The following NREP variants were observed in gnomAD, a reference collection of about 807,000 sequenced individuals.
NREP encodes the protein neuronal regeneration-related protein.
NREP carries 5 observed loss-of-function variants against 8.6 expected under a neutral mutation model. The observed-to-expected ratio is 0.58, with a 90% confidence interval of 0.30 to 1.22. The LOEUF (loss-of-function observed/expected upper bound fraction) is 1.22, where lower values mean the gene tolerates loss of function less well. Among genes scored for constraint, NREP ranks in the 50% most tolerant of loss-of-function variants. The probability of loss-of-function intolerance (pLI) is 0.07; values close to 1 mark genes in which losing one functional copy is unlikely to be tolerated. For missense variants in NREP, 86 were observed against 82.5 expected, an observed-to-expected ratio of 1.04 and a Z score of -0.17; for synonymous variants, 27 against 28.0, an observed-to-expected ratio of 0.96 and a Z score of 0.11.
chr5:111,848,176 G>T (rs568431349), intron 2 of NREP, among the ~76,000 whole-genome samples: 1 of 152,248 alleles, frequency 6.6e-6, no homozygotes, highest in African/African-American at 2.4e-5. Flanking sequence ...GTGACAAGAA[G>T]AATATAATCA....
At chr5:111,879,510 T>A (rs950410248) in intron 2 of NREP, among the ~76,000 whole-genome samples, 2 of 152,216 alleles carry the variant, frequency 1.3e-5, no homozygotes, top group Non-Finnish European at 2.9e-5. Flanking sequence ...TTTTTCTGTA[T>A]ACTTACTGTC....
intron 2 of NREP, among the ~76,000 whole-genome samples, chr5:111,769,518 G>A (rs569072098): frequency 9.1e-4 from 138 of 152,334 alleles, no homozygotes; most frequent in South Asian, 4.1e-3. Flanking sequence ...TGAATAAGAA[G>A]CCAAGGTTGA....
At chr5:111,803,551 G>A (rs952776420) in intron 2 of NREP, among the ~76,000 whole-genome samples, 2 of 152,024 alleles carry the variant, frequency 1.3e-5, no homozygotes, top group African/African-American at 2.4e-5. Flanking sequence ...CCCTTTGTAG[G>A]AGAACAATAA....
intron 2 of NREP, among the ~76,000 whole-genome samples, chr5:111,884,091 A>T (rs543636278): frequency 1.9e-4 from 29 of 152,348 alleles, no homozygotes; most frequent in African/African-American, 6.7e-4. Flanking sequence ...ACCAATAAAG[A>T]AGAAAAGAGA....
intron 2 of NREP, among the ~76,000 whole-genome samples, chr5:111,745,206 C>A (rs1239995352): frequency 6.6e-6 from 1 of 152,134 alleles, no homozygotes; most frequent in African/African-American, 2.4e-5. Context: ...GTAAGCAGAT[C>A]TGTGTTAGCT....
At chr5:111,948,875 C>G (rs1419827841) in intron 2 of NREP, 1 of 151,940 alleles carries the variant, frequency 6.6e-6, no homozygotes, top group Non-Finnish European at 1.5e-5. Context: ...AAGAAAGTCA[C>G]CTAACTTGAA....
intron 3 of NREP, chr5:111,732,516 C>G (rs1748683828): frequency 6.6e-6 from 1 of 151,668 alleles, no homozygotes; most frequent in Non-Finnish European, 1.5e-5. Flanking sequence ...TGGGACCAAA[C>G]CAGAAAATTA....
intron 2 of NREP, among the ~76,000 whole-genome samples, chr5:111,878,528 G>T (rs1287111939): frequency 3.3e-5 from 5 of 152,036 alleles, no homozygotes; most frequent in African/African-American, 1.2e-4. Context: ...TGACACGTGG[G>T]GATTATGGGG....
At chr5:111,756,026 T>C in intron 1 of NREP, 196 bp from the exon 2 acceptor site, 4 of 1,354,596 alleles carry the variant, frequency 3.0e-6, no homozygotes, top group Non-Finnish European at 2.9e-6. Flanking sequence ...GACAAAGGAA[T>C]CCCTGGTACT....
At chr5:111,867,258 T>C (rs560185217) in intron 2 of NREP, among the ~76,000 whole-genome samples, 1 of 152,154 alleles carries the variant, frequency 6.6e-6, no homozygotes, top group Non-Finnish European at 1.5e-5. Flanking sequence ...GATTTTCTCA[T>C]GGATCTAAAG....
intron 2 of NREP, among the ~76,000 whole-genome samples, chr5:111,819,506 G>C (rs1168103575): frequency 6.6e-6 from 1 of 152,146 alleles, no homozygotes; most frequent in Non-Finnish European, 1.5e-5. Flanking sequence ...TAATGTTCGA[G>C]CACTATTTCT....
chr5:111,887,413 T>G (rs1221779175), intron 2 of NREP, among the ~76,000 whole-genome samples: 1 of 152,210 alleles, frequency 6.6e-6, no homozygotes, highest in Admixed American at 6.5e-5. Flanking sequence ...GAATTGTTAC[T>G]TCAAATAAAG....
At chr5:111,970,825 C>CAAAAAAAAAAAAAAAAAAAA (rs33962098) in intron 2 of NREP, among the ~76,000 whole-genome samples, 11 of 53,630 alleles carry the variant, frequency 2.1e-4, no homozygotes, top group Non-Finnish European at 3.0e-4. Flanking sequence ...GACTCCATCT[C>CAAAAAAAAAAAAAAAAAAAA]AAAAAAAAAA....
chr5:111,790,148 C>A (rs1345228420), intron 2 of NREP, among the ~76,000 whole-genome samples: 1 of 152,014 alleles, frequency 6.6e-6, no homozygotes. Context: ...ATAATCAATA[C>A]ACATGAAAAG....
intron 2 of NREP, among the ~76,000 whole-genome samples, chr5:111,905,256 G>A (rs1754753593): frequency 6.6e-6 from 1 of 152,104 alleles, no homozygotes; most frequent in South Asian, 2.1e-4. Flanking sequence ...GGTAGATCAC[G>A]TGGTAAGACT....
At chr5:111,975,052 C>T (rs184519410) in intron 2 of NREP, among the ~76,000 whole-genome samples, 1 of 152,258 alleles carries the variant, frequency 6.6e-6, no homozygotes, top group Admixed American at 6.5e-5. Context: ...TGCACTTCCA[C>T]AGGGAATGAA....
intron 2 of NREP, among the ~76,000 whole-genome samples, chr5:111,917,382 C>A (rs2112573004): frequency 6.6e-6 from 1 of 152,198 alleles, no homozygotes; most frequent in African/African-American, 2.4e-5. Flanking sequence ...ATCCTGATAC[C>A]AAAACCTGGC....
intron 2 of NREP, among the ~76,000 whole-genome samples, chr5:111,823,447 T>G (rs1465077792): frequency 6.6e-6 from 1 of 152,198 alleles, no homozygotes; most frequent in Non-Finnish European, 1.5e-5. Flanking sequence ...AATTTTAACT[T>G]TAATTAAAGT....
intron 2 of NREP, among the ~76,000 whole-genome samples, chr5:111,881,084 G>C (rs1250358665): frequency 1.3e-5 from 2 of 152,158 alleles, no homozygotes; most frequent in African/African-American, 2.4e-5. Context: ...AAAGAAAGTG[G>C]TGACAGACGG....
Sources: gnomAD v4.1 joint callset for allele counts (sites outside exome capture counted in the v4.1 genomes callset) on GRCh38, gnomAD v4.1.1 for gene constraint, MANE v1.5 for transcripts, NCBI Gene and HGNC (gene_info 2026-07-23, HGNC 2026-07-21) for gene names.